CHODL: variants seen among roughly 807,000 people sequenced by gnomAD.
CHODL encodes the protein chondrolectin.
In CHODL, 29 loss-of-function variants were observed where a neutral mutation model predicts 34.5. The ratio of observed to expected loss-of-function variants is 0.84; its 90% CI spans 0.63 to 1.15. The LOEUF (loss-of-function observed/expected upper bound fraction) is 1.15, where lower values mean the gene tolerates loss of function less well. Ranked by LOEUF, CHODL falls within the 50% of genes most tolerant of loss-of-function variation. The pLI is 0.00. For missense variants in CHODL, 332 were observed against 332.5 expected (o/e 1.00, Z 0.01); for synonymous variants, 125 against 116.1 (o/e 1.08, Z -0.49).
intron 2 of CHODL, among the ~76,000 whole-genome samples, chr21:18,049,912 G>A (rs774415385): frequency 9.2e-5 from 14 of 151,994 alleles, no homozygotes; most frequent in South Asian, 2.1e-4. Context: ...CCATCTGCCC[G>A]TGTTTGTTGA....
chr21:18,045,637 C>A (rs2064433065), intron 2 of CHODL, among the ~76,000 whole-genome samples: 1 of 151,854 alleles, frequency 6.6e-6, no homozygotes, highest in Admixed American at 6.6e-5. Context: ...TTTAATTCAC[C>A]TGCTATGGTT....
At chr21:18,056,142 T>C (rs551509309) in intron 2 of CHODL, among the ~76,000 whole-genome samples, 94 of 152,118 alleles carry the variant, frequency 6.2e-4, no homozygotes, top group Non-Finnish European at 3.2e-4. Flanking sequence ...AAGTTGTTTT[T>C]ATTCAATCTC....
chr21:18,182,324 G>A (rs1237852054), intron 2 of CHODL, among the ~76,000 whole-genome samples: 1 of 152,174 alleles, frequency 6.6e-6, no homozygotes, highest in Non-Finnish European at 1.5e-5. Context: ...CAGAAGTCAG[G>A]GTTTGAGCCT....
intron 1 of CHODL, among the ~76,000 whole-genome samples, chr21:17,945,143 C>T (rs1158373024): frequency 1.3e-5 from 2 of 148,770 alleles, no homozygotes; most frequent in Admixed American, 6.8e-5. Flanking sequence ...ACCTGGGAGG[C>T]GGAGCTTGCA....
In CHODL at chr21:17,948,703, A is replaced by G. The variant is rs982408018; in HGVS notation, c.-145+31303A>G. Among the ~76,000 whole-genome samples, 5 of 152,178 alleles carry G rather than the reference A, an allele frequency of 3.3e-5. No homozygotes were observed. The South Asian group carries it at 1.0e-3, about 32-fold the overall frequency. ...ACATACAATCTATCAAGACTGAATC[A>G]TGAAGAAATAGGAAGTCTGAATGGA... On this transcript the variant is annotated intron_variant, in intron 1 of 6. Coordinates refer to the CHODL transcript ENST00000400127.
intron 5 of CHODL, among the ~76,000 whole-genome samples, chr21:18,263,213 A>G (rs1263056681): frequency 6.6e-6 from 1 of 152,140 alleles, no homozygotes; most frequent in Non-Finnish European, 1.5e-5. Context: ...TAAACTTCCA[A>G]CATATGCACT....
chr21:18,250,600 T>C (rs575562347), intron 1 of CHODL, among the ~76,000 whole-genome samples: 31 of 152,146 alleles, frequency 2.0e-4, no homozygotes, highest in Non-Finnish European at 3.7e-4. Flanking sequence ...TTTTAAGAAG[T>C]TGGTGTAACA....
intron 2 of CHODL, among the ~76,000 whole-genome samples, chr21:18,159,470 T>C (rs909005823): frequency 6.6e-6 from 1 of 152,202 alleles, no homozygotes; most frequent in Admixed American, 6.5e-5. Flanking sequence ...ATAGGAGAAC[T>C]TGAAATATTA....
chr21:18,025,349 A>C (rs930555139), intron 1 of CHODL, among the ~76,000 whole-genome samples: 1 of 152,202 alleles, frequency 6.6e-6, no homozygotes, highest in Non-Finnish European at 1.5e-5. Context: ...ATTTTGCTCT[A>C]TGATTATTAA....
At chr21:18,107,919 G>C (rs2065293589) in intron 2 of CHODL, among the ~76,000 whole-genome samples, 1 of 152,210 alleles carries the variant, frequency 6.6e-6, no homozygotes, top group South Asian at 2.1e-4. Flanking sequence ...CTTTCAATAA[G>C]CATGTGGAAA....
intron 2 of CHODL, among the ~76,000 whole-genome samples, chr21:18,221,068 G>T (rs945350699): frequency 2.0e-5 from 3 of 152,014 alleles, no homozygotes; most frequent in Non-Finnish European, 2.9e-5. Flanking sequence ...GTGTCACATA[G>T]GTTTTCTTCA....
chr21:18,258,319 A>T (rs935078139), intron 3 of CHODL, among the ~76,000 whole-genome samples: 1 of 152,140 alleles, frequency 6.6e-6, no homozygotes, highest in African/African-American at 2.4e-5. Flanking sequence ...GAGAAATATA[A>T]AGTTGAAATC....
chr21:18,012,758 G>A (rs531962483), intron 1 of CHODL, among the ~76,000 whole-genome samples: 1 of 152,276 alleles, frequency 6.6e-6, no homozygotes, highest in African/African-American at 2.4e-5. Flanking sequence ...ATGTTTCCCA[G>A]AAGAAACAGA....
rs145011047 is a variant in CHODL, at chr21:17,999,624, G to A, written c.-144-28248G>A. 5.5e-3 allele frequency among the ~76,000 whole-genome samples: 844 copies of A among 152,340 alleles called. 8 individuals carry two copies. Among genetic ancestry groups the A allele is most frequent in the African/African-American group, 0.013 (555 of 41,574 alleles). ...ATGGCAGCAAGAGAAAAATGAGGAA[G>A]AAGCAAAAACAGAAACCCCTGATAA... On this transcript the variant is annotated intron_variant, in intron 1 of 6. Coordinates refer to the CHODL transcript ENST00000400127.
At chr21:18,225,724 A>C (rs966081838) in intron 2 of CHODL, among the ~76,000 whole-genome samples, 2 of 152,092 alleles carry the variant, frequency 1.3e-5, no homozygotes, top group Non-Finnish European at 2.9e-5. Context: ...CTAAAAGAAA[A>C]CATAAGAGAG....
chr21:18,003,136 CAAAAA>C (rs148355768), intron 1 of CHODL, among the ~76,000 whole-genome samples: 1 of 141,066 alleles, frequency 7.1e-6, no homozygotes, highest in Non-Finnish European at 1.5e-5. Flanking sequence ...AAAAAAAAAA[CAAAAA>C]AAAAACCCAA....
At chr21:18,095,725 T>G (rs2065131822) in intron 2 of CHODL, among the ~76,000 whole-genome samples, 1 of 152,144 alleles carries the variant, frequency 6.6e-6, no homozygotes, top group African/African-American at 2.4e-5. Flanking sequence ...GGCCAATATC[T>G]CTGATGAATA....
chr21:17,988,264 G>A (rs1191118014), intron 1 of CHODL, among the ~76,000 whole-genome samples: 1 of 151,990 alleles, frequency 6.6e-6, no homozygotes, highest in Admixed American at 6.6e-5. Context: ...TTGATACAAT[G>A]TGGCATTCAA....
chr21:18,217,171 A>T (rs566539084), intron 2 of CHODL, among the ~76,000 whole-genome samples: 1 of 137,094 alleles, frequency 7.3e-6, no homozygotes, highest in East Asian at 2.0e-4. Context: ...ATACTCAGCA[A>T]TGGGGGTGCT....
Sources: allele counts gnomAD v4.1 joint callset (sites outside exome capture counted in the v4.1 genomes callset), GRCh38; gene constraint gnomAD v4.1.1; transcripts MANE v1.5; gene names NCBI Gene and HGNC (gene_info 2026-07-23, HGNC 2026-07-21).